The following GRHPR variants were observed in gnomAD, a reference collection of about 807,000 sequenced individuals.
GRHPR encodes glyoxylate reductase/hydroxypyruvate reductase.
A neutral mutation model predicts 36.8 loss-of-function variants in GRHPR; 35 were observed. The ratio of observed to expected loss-of-function variants is 0.95; its 90% CI spans 0.73 to 1.26. The LOEUF is 1.26. Among genes scored for constraint, GRHPR ranks in the 50% most tolerant of loss-of-function variants. The pLI is 0.00. For synonymous variants in GRHPR, 179 were observed against 181.0 expected (o/e 0.99, Z 0.09); for missense variants, 380 against 435.0 (o/e 0.87, Z 1.12).
intron 3 of GRHPR, chr9:37,426,200 G>A (rs1823068511): frequency 1.6e-6 from 1 of 611,620 alleles, no homozygotes; most frequent in Non-Finnish European, 2.9e-6. Flanking sequence ...TGTGTAGGTG[G>A]CACCCTTTCA....
rs1554749672 is a variant in GRHPR at position 37,436,745 on chromosome 9, TGA to T, written c.954_955del (p.Glu320AlafsTer4). 6.2e-7 allele frequency: 1 copy of T among 1,613,994 alleles called. No individual in the cohort carries two copies. Among genetic ancestry groups the T allele is most frequent in the Non-Finnish European group, 8.5e-7 (1 of 1,179,964 alleles). The stretch of plus-strand genomic sequence containing the variant: ...GCAGCTAACAACTTGCTGGCTGGCC[TGA>T]GAGGGGAGCCGATGCCTAGTGAACT... On this transcript the variant is annotated frameshift_variant, in exon 9 of 9. Coordinates refer to ENST00000318158, the MANE Select transcript of GRHPR (RefSeq NM_012203.2). LOFTEE classifies it high-confidence loss of function.
downstream of GRHPR, chr9:37,437,118 A>C: frequency 2.8e-6 from 1 of 361,096 alleles, no homozygotes; most frequent in East Asian, 6.9e-5. Context: ...TCAAGGCTGC[A>C]GTGTGCTATA....
intron 2 of GRHPR, 88 bp downstream of exon 2, chr9:37,425,063 T>C: frequency 1.4e-6 from 2 of 1,384,286 alleles, no homozygotes; most frequent in East Asian, 2.3e-5. Context: ...TGCTCTGCAG[T>C]GCTGTCTGGG....
intron 1 of GRHPR, among the ~76,000 whole-genome samples, chr9:37,423,524 T>G (rs1337954866): frequency 6.6e-6 from 1 of 151,764 alleles, no homozygotes; most frequent in Non-Finnish European, 1.5e-5. Flanking sequence ...CAGGCTGGAG[T>G]GCAGTGGCAC....
intron 8 of GRHPR, among the ~76,000 whole-genome samples, chr9:37,433,641 CAG>C (rs1465983791): frequency 1.3e-5 from 2 of 152,202 alleles, no homozygotes; most frequent in Non-Finnish European, 2.9e-5. Context: ...TGGGGTCTGA[CAG>C]AGTGTGCTCC....
intron 7 of GRHPR, chr9:37,431,674 A>G (rs1823374387): frequency 3.0e-6 from 1 of 336,916 alleles, no homozygotes; most frequent in Non-Finnish European, 5.8e-6. Flanking sequence ...CTGTTCATGC[A>G]GTAGAGCATG....
At chr9:37,428,059 C>T (rs2118871374) in intron 4 of GRHPR, 1 of 315,602 alleles carries the variant, frequency 3.2e-6, no homozygotes, top group South Asian at 2.9e-5. Flanking sequence ...GGGCAGGCTC[C>T]ATCTCTTGCC....
downstream of GRHPR, chr9:37,439,186 T>C (rs1158191072): frequency 1.3e-5 from 2 of 152,226 alleles, no homozygotes; most frequent in African/African-American, 2.4e-5. Context: ...CTTGGCCTCA[T>C]ACAGGTGCCA....
upstream of GRHPR, chr9:37,422,606 G>A: frequency 1.4e-6 from 1 of 697,736 alleles, no homozygotes; most frequent in Non-Finnish European, 2.6e-6. Flanking sequence ...CCGCAACCCG[G>A]CGCTCCCTCT....
chr9:37,429,512 T>C (rs1823246470), intron 5 of GRHPR: 1 of 615,094 alleles, frequency 1.6e-6, no homozygotes, highest in African/African-American at 1.8e-5. Flanking sequence ...TCAGGGGAGC[T>C]GAGGTGCTGT....
intron 8 of GRHPR, chr9:37,434,287 C>T (rs773677159): frequency 6.4e-5 from 29 of 452,654 alleles, no homozygotes; most frequent in Admixed American, 3.3e-5. Flanking sequence ...GGGGGGAGCA[C>T]GGATTGAGGC....
chr9:37,426,899 T>C (rs1332919069), intron 4 of GRHPR, among the ~76,000 whole-genome samples: 3 of 151,280 alleles, frequency 2.0e-5, no homozygotes, highest in Non-Finnish European at 4.4e-5. Flanking sequence ...TGCAGTGAGC[T>C]GAGATCACAC....
intron 1 of GRHPR, among the ~76,000 whole-genome samples, chr9:37,424,127 C>G (rs1266890536): frequency 6.6e-6 from 1 of 152,180 alleles, no homozygotes; most frequent in African/African-American, 2.4e-5. Flanking sequence ...TGCCAAGGAC[C>G]CACTTTGTAC....
At chr9:37,426,269 ATTCT>A (rs1489821743) in intron 3 of GRHPR, 18 of 601,676 alleles carry the variant, frequency 3.0e-5, no homozygotes, top group African/African-American at 2.9e-4. Flanking sequence ...GGCAGGTGTT[ATTCT>A]TTCTGTTTCA....
At chr9:37,424,609 C>T (rs1229286455) in intron 1 of GRHPR, among the ~76,000 whole-genome samples, 17 of 152,260 alleles carry the variant, frequency 1.1e-4, no homozygotes, top group Non-Finnish European at 1.3e-4. Context: ...GACCTGAGAG[C>T]TGTCCCCATG....
intron 5 of GRHPR, chr9:37,428,866 C>A: frequency 1.9e-6 from 1 of 516,670 alleles, no homozygotes; most frequent in Admixed American, 2.7e-5. Flanking sequence ...TGTGTTGGGG[C>A]CGTTAGGAGT....
At chr9:37,428,213 C>T (rs1018817928) in intron 4 of GRHPR, 96 of 560,896 alleles carry the variant, frequency 1.7e-4, no homozygotes, top group Non-Finnish European at 4.5e-5. Flanking sequence ...GGCAAGTCAC[C>T]CTTTCTGGTT....
downstream of GRHPR, among the ~76,000 whole-genome samples, chr9:37,437,453 C>G (rs1052702992): frequency 1.3e-5 from 2 of 152,056 alleles, no homozygotes; most frequent in African/African-American, 4.8e-5. Context: ...CAAACAGAAC[C>G]CAGTTGTGAC....
In GRHPR at chr9:37,429,814, A is replaced by G. The variant is rs1823273132; in HGVS notation, c.576A>G (p.Ala192=). The G allele has an allele frequency of 6.2e-7, 1 of 1,607,976 alleles. No homozygotes were observed. The highest frequency in any genetic ancestry group is 2.2e-5 in the East Asian group (1 of 44,868). ...YTGRQPRPEE[A]AEFQAEFVST... is the part of the protein sequence containing the mutation. ...GGCGCCAGCCCAGGCCTGAGGAAGC[A>G]GCAGAATTCCAGGCAGAGTTTGGTA... Residue 192 remains alanine (A), a synonymous_variant, in exon 6 of 9, where the codon GCA becomes GCG. Coordinates refer to ENST00000318158, the MANE Select transcript of GRHPR (RefSeq NM_012203.2).
Sources: allele counts gnomAD v4.1 joint callset (sites outside exome capture counted in the v4.1 genomes callset), GRCh38; gene constraint gnomAD v4.1.1; transcripts MANE v1.5; gene names NCBI Gene and HGNC (gene_info 2026-07-23, HGNC 2026-07-21).